The following NLRP2 variants were observed in gnomAD, a reference collection of about 807,000 sequenced individuals.
The protein encoded by NLRP2 is NACHT, LRR and PYD domains-containing protein 2.
In NLRP2, 107 loss-of-function variants were observed where a neutral mutation model predicts 97.2. That is an observed-to-expected ratio of 1.10 (90% CI 0.94 to 1.29). The LOEUF (loss-of-function observed/expected upper bound fraction) is 1.29. NLRP2 is among the 50% of genes most tolerant of loss of function. The pLI, the probability that NLRP2 is intolerant of heterozygous loss-of-function variation, is 0.00. For synonymous variants in NLRP2, 663 were observed against 551.5 expected (o/e 1.20, Z -2.83); for missense variants, 1,495 against 1,330.3 (o/e 1.12, Z -1.93).
chr19:54,970,504 A>T (rs2146338825), intron 2 of NLRP2, among the ~76,000 whole-genome samples: 1 of 151,916 alleles, frequency 6.6e-6, no homozygotes, highest in Middle Eastern at 3.4e-3. Context: ...AAAATACAAA[A>T]ATTTGCTGGA....
rs1382406288 is a variant in NLRP2 at position 54,983,243 on chromosome 19, C to T, written c.1545C>T (p.Tyr515=). Residue 515 remains tyrosine, a synonymous_variant, in exon 6 of 13, where the codon TAC becomes TAT. Coordinates refer to ENST00000448584, the MANE Select transcript of NLRP2 (RefSeq NM_017852.5). ...AGCAGTTTCTCACTGCCCTGTTCTA[C>T]ACCCTGGAGAAGGAGGAGGAAGAGG... ...SFQQFLTALF[Y]TLEKEEEEDR... 1 of 1,613,820 alleles carries T rather than the reference C, an allele frequency of 6.2e-7. No individual in the cohort carries two copies. Among genetic ancestry groups the T allele is most frequent in the African/African-American group, 1.3e-5 (1 of 75,022 alleles).
rs142209797 is a variant in NLRP2, at chr19:54,986,269, T to C, written c.2320T>C (p.Leu774=). ...TGACCAGGATGATATGTTTCCCGCA[T>C]TGTGTGAGGTCTTGAGACATCCAGA... The part of the protein sequence containing the change: ...GNDQDDMFPA[L]CEVLRHPECN... The change falls in exon 8 of 13, where the codon TTG becomes CTG. Residue 774 remains leucine, a synonymous_variant. Coordinates refer to ENST00000448584, the MANE Select transcript of NLRP2 (RefSeq NM_017852.5). The C allele has an allele frequency of 6.2e-7, 1 of 1,614,084 alleles. No homozygotes were observed. The highest frequency in any genetic ancestry group is 1.3e-5 in the African/African-American group (1 of 75,040).
chr19:54,982,069 T>C, intron 5 of NLRP2, 93 bp from the exon 6 acceptor site: 1 of 1,522,816 alleles, frequency 6.6e-7, no homozygotes, highest in South Asian at 1.1e-5. Context: ...TGAGCCACTG[T>C]GCCCGGCCAA....
At chr19:54,980,109 C>T (rs2071478706) in intron 4 of NLRP2, among the ~76,000 whole-genome samples, 1 of 151,550 alleles carries the variant, frequency 6.6e-6, no homozygotes, top group South Asian at 2.1e-4. Flanking sequence ...TTCGGTGCGA[C>T]TTGGGGTACT....
intron 4 of NLRP2, among the ~76,000 whole-genome samples, chr19:54,979,612 A>G (rs893149455): frequency 1.3e-5 from 2 of 152,014 alleles, no homozygotes; most frequent in Admixed American, 6.6e-5. Context: ...CGGCCTCCCA[A>G]AGTGCTGGGA....
intron 4 of NLRP2, among the ~76,000 whole-genome samples, chr19:54,980,165 A>G (rs908937547): frequency 1.3e-5 from 2 of 151,572 alleles, no homozygotes; most frequent in Non-Finnish European, 2.9e-5. Flanking sequence ...ATGTGGGTGA[A>G]TAGTGCCTGG....
rs1259045887 is a variant in NLRP2, at chr19:54,983,384, C to G, written c.1686C>G (p.Asn562Lys). Residue 562 changes from asparagine (N) to lysine (K), a missense_variant, in exon 6 of 13, where the codon AAC (asparagine) becomes AAG (lysine). Transcript: ENST00000448584. The part of the protein sequence containing the change: ...QAGYYSFGLA[N>K]EKRAKELEAT... ...GCTACTACTCCTTTGGCCTCGCTAA[C>G]GAGAAGAGAGCCAAGGAGTTGGAGG... The G allele has an allele frequency of 7.4e-6, 12 of 1,614,044 alleles. No homozygotes were observed. In the South Asian group the frequency reaches 9.9e-5, roughly 13 times the overall value.
intron 2 of NLRP2, among the ~76,000 whole-genome samples, chr19:54,973,212 G>A (rs1180510841): frequency 1.3e-5 from 2 of 150,632 alleles, no homozygotes; most frequent in Non-Finnish European, 3.0e-5. Flanking sequence ...AAACAAACAT[G>A]GTATTAATTA....
chr19:54,996,870 A>G (rs2072854728), intron 11 of NLRP2, among the ~76,000 whole-genome samples: 1 of 151,740 alleles, frequency 6.6e-6, no homozygotes, highest in Admixed American at 6.6e-5. Context: ...CATCGCCTCC[A>G]TATTTTCCTG....
chr19:54,992,557 T>C (rs1231035118), intron 10 of NLRP2, among the ~76,000 whole-genome samples: 1 of 38,576 alleles, frequency 2.6e-5, no homozygotes, highest in Non-Finnish European at 6.3e-5. Flanking sequence ...GGGGGTTTTC[T>C]TTTTTTTTTT....
chr19:54,985,735 C>T (rs118154612), intron 7 of NLRP2, among the ~76,000 whole-genome samples: 3,739 of 151,242 alleles, frequency 0.025, 46 homozygotes, highest in Non-Finnish European at 0.029. Flanking sequence ...ATGGCTCACG[C>T]CTGTAGTCCC....
At chr19:54,967,822 G>A (rs889010168) in intron 1 of NLRP2, among the ~76,000 whole-genome samples, 4 of 151,796 alleles carry the variant, frequency 2.6e-5, no homozygotes, top group Admixed American at 6.6e-5. Context: ...TGAGTCTTAT[G>A]CAAATACCTA....
chr19:54,981,509 GC>G lies in NLRP2; in HGVS notation c.398-101del, dbSNP rs975516794. On this transcript the variant is annotated intron_variant, in intron 4 of 12. Coordinates refer to ENST00000448584, the MANE Select transcript of NLRP2 (RefSeq NM_017852.5). ...GCTTATTTGCTTTATCTGATCCCGT[GC>G]CCCCCCTCCCCCCCGCCCCATCAGC... 27 of 390,048 alleles carry G rather than the reference GC, an allele frequency of 6.9e-5. 1 individual carries two copies. The highest frequency in any genetic ancestry group is 2.5e-4 in the South Asian group (12 of 47,240). The allele number at this position is 390,048 out of a possible 1,614,324, so 24.2% of individuals were successfully genotyped here.
chr19:54,982,407 C>T lies in NLRP2; in HGVS notation c.709C>T (p.His237Tyr), dbSNP rs1482545954. The change falls in exon 6 of 13, where the codon CAC becomes TAC. Residue 237 changes from histidine (H) to tyrosine (Y), a missense_variant. Coordinates refer to ENST00000448584, the MANE Select transcript of NLRP2 (RefSeq NM_017852.5). Reference protein sequence around the residue: ...MLDWAEDNLIHKFKYAFYLSC... With the variant: ...MLDWAEDNLIYKFKYAFYLSC... ...AGACTGGGCAGAGGACAACCTCATC[C>T]ACAAATTCAAATATGCGTTCTACCT... is the stretch of plus-strand genomic sequence containing the variant. 3 of 1,614,010 alleles carry T rather than the reference C, an allele frequency of 1.9e-6. No individual in the cohort carries two copies. In the African/African-American group the frequency reaches 4.0e-5, roughly 22 times the overall value.
chr19:54,998,652 T>TA (rs2072996240), intron 12 of NLRP2, among the ~76,000 whole-genome samples: 6 of 110,316 alleles, frequency 5.4e-5, no homozygotes, highest in East Asian at 2.3e-4. Flanking sequence ...TTTTTTTTTT[T>TA]ATTGATCATT....
intron 1 of NLRP2, among the ~76,000 whole-genome samples, chr19:54,967,886 C>A (rs1327599272): frequency 6.6e-6 from 1 of 151,180 alleles, no homozygotes; most frequent in Non-Finnish European, 1.5e-5. Flanking sequence ...AGGTGTTATA[C>A]CCTTTCTGTA....
rs183657344 is a variant in NLRP2, at chr19:54,994,475, C to G, written c.2879+36C>G. 18 of 1,603,216 alleles carry G rather than the reference C, an allele frequency of 1.1e-5. No homozygotes were observed. In the Admixed American group the frequency reaches 2.0e-4, roughly 18 times the overall value. ...TTATAAGTTCAACTTCCTATACTTACACCTTACTGAATCTGTGGCTAGTGT... is the reference window on the plus strand; with the variant it reads ...TTATAAGTTCAACTTCCTATACTTAGACCTTACTGAATCTGTGGCTAGTGT... On this transcript the variant is annotated intron_variant, in intron 11 of 12. Coordinates refer to ENST00000448584, the MANE Select transcript of NLRP2 (RefSeq NM_017852.5).
intron 12 of NLRP2, among the ~76,000 whole-genome samples, chr19:54,998,029 T>C (rs868688817): frequency 3.4e-5 from 5 of 147,326 alleles, no homozygotes; most frequent in East Asian, 1.9e-4. Flanking sequence ...TTCTTTCTTT[T>C]TTTTTTTTTT....
chr19:55,000,315 C>T (rs185126188), intron 12 of NLRP2, among the ~76,000 whole-genome samples: 819 of 69,670 alleles, frequency 0.012, 19 homozygotes, highest in African/African-American at 0.043. Context: ...TTTTTGAGAT[C>T]GCCCAGGCTG....
Sources: gnomAD v4.1 joint callset for allele counts (sites outside exome capture counted in the v4.1 genomes callset) on GRCh38, gnomAD v4.1.1 for gene constraint, MANE v1.5 for transcripts, NCBI Gene and HGNC (gene_info 2026-07-23, HGNC 2026-07-21) for gene names.